RGS7: variants seen among roughly 807,000 people sequenced by gnomAD.
RGS7 encodes regulator of G-protein signaling 7.
A neutral mutation model predicts 81.1 loss-of-function variants in RGS7; 27 were observed. The observed-to-expected ratio is 0.33, with a 90% CI of 0.25 to 0.46. The LOEUF (loss-of-function observed/expected upper bound fraction) is 0.46. RGS7 is among the 20% of genes least tolerant of loss of function. The pLI is 1.00. For missense variants in RGS7, 396 were observed against 607.4 expected (o/e 0.65, Z 3.66); for synonymous variants, 208 against 207.7 (o/e 1.00, Z -0.01).
At chr1:241,203,046 G>C (rs1044106050) in intron 2 of RGS7, among the ~76,000 whole-genome samples, 2 of 152,090 alleles carry the variant, frequency 1.3e-5, no homozygotes, top group Non-Finnish European at 2.9e-5. Flanking sequence ...AGCAGCTCTT[G>C]AGGGGTCCAT....
chr1:241,096,068 T>C (rs2064228498), intron 3 of RGS7, among the ~76,000 whole-genome samples: 1 of 152,212 alleles, frequency 6.6e-6, no homozygotes, highest in African/African-American at 2.4e-5. Context: ...CTGCAACAAC[T>C]GCACTACCCT....
chr1:241,329,341 G>A (rs2081820336), intron 2 of RGS7, among the ~76,000 whole-genome samples: 1 of 152,162 alleles, frequency 6.6e-6, no homozygotes, highest in South Asian at 2.1e-4. Context: ...CTGTTTGAGT[G>A]GGAAGAAAAG....
intron 3 of RGS7, among the ~76,000 whole-genome samples, chr1:241,035,057 G>C (rs1002727136): frequency 3.3e-5 from 5 of 152,082 alleles, no homozygotes; most frequent in African/African-American, 1.2e-4. Flanking sequence ...GTTTTTTCAT[G>C]CTGTGGACTC....
At chr1:241,139,200 C>T (rs2067741036) in intron 2 of RGS7, among the ~76,000 whole-genome samples, 3 of 148,722 alleles carry the variant, frequency 2.0e-5, no homozygotes, top group Non-Finnish European at 4.5e-5. Flanking sequence ...TCTCTCTTTC[C>T]TTCCTTTCTT....
At chr1:240,977,199 C>A (rs1287281191) in intron 4 of RGS7, among the ~76,000 whole-genome samples, 2 of 150,968 alleles carry the variant, frequency 1.3e-5, no homozygotes, top group African/African-American at 4.9e-5. Context: ...ACAATGTAGA[C>A]GTATGTTCAC....
At chr1:240,885,495 C>A (rs1667198279) in intron 6 of RGS7, among the ~76,000 whole-genome samples, 1 of 152,138 alleles carries the variant, frequency 6.6e-6, no homozygotes, top group African/African-American at 2.4e-5. Context: ...TGGAATCAGC[C>A]TAAATACACA....
chr1:241,068,513 T>C (rs2062232151), intron 3 of RGS7, among the ~76,000 whole-genome samples: 1 of 151,902 alleles, frequency 6.6e-6, no homozygotes, highest in South Asian at 2.1e-4. Context: ...TTACTCTCTT[T>C]ACTGCAGATG....
At chr1:240,946,458 T>C (rs538263287) in intron 4 of RGS7, among the ~76,000 whole-genome samples, 337 of 151,950 alleles carry the variant, frequency 2.2e-3, no homozygotes, top group Non-Finnish European at 4.3e-3. Flanking sequence ...TCTTAAAAAA[T>C]TAGCAGGGCA....
intron 2 of RGS7, among the ~76,000 whole-genome samples, chr1:241,157,821 CTTTTTTTTTTTT>C (rs67249227): frequency 3.2e-5 from 3 of 94,714 alleles, no homozygotes; most frequent in African/African-American, 6.9e-5. Flanking sequence ...CTTTTCTTTT[CTTTTTTTTTTTT>C]TTTGATACTG....
intron 2 of RGS7, among the ~76,000 whole-genome samples, chr1:241,343,363 T>C (rs1019925184): frequency 3.3e-5 from 5 of 152,144 alleles, no homozygotes; most frequent in African/African-American, 1.2e-4. Flanking sequence ...CACACAGATA[T>C]TTGTATATCC....
intron 2 of RGS7, among the ~76,000 whole-genome samples, chr1:241,278,053 G>A (rs1010149052): frequency 6.6e-6 from 1 of 152,092 alleles, no homozygotes; most frequent in African/African-American, 2.4e-5. Context: ...TTTGCCCGCT[G>A]TTCTCAGTGC....
intron 3 of RGS7, among the ~76,000 whole-genome samples, chr1:240,996,279 T>C (rs74632720): frequency 0.027 from 4,143 of 152,256 alleles, 184 homozygotes; most frequent in African/African-American, 0.093. Context: ...TTTTTGCTGT[T>C]AGTTGGAATA....
intron 3 of RGS7, among the ~76,000 whole-genome samples, chr1:241,060,260 C>T (rs1053590323): frequency 6.6e-6 from 1 of 152,194 alleles, no homozygotes; most frequent in African/African-American, 2.4e-5. Context: ...TGCCAAACCA[C>T]TTACAGTGAA....
intron 2 of RGS7, among the ~76,000 whole-genome samples, chr1:241,198,721 C>T (rs1195604287): frequency 1.3e-5 from 2 of 152,138 alleles, no homozygotes; most frequent in African/African-American, 4.8e-5. Context: ...TCTATAACCT[C>T]AGTGTTGTTA....
chr1:241,035,435 T>C (rs1473733534), intron 3 of RGS7, among the ~76,000 whole-genome samples: 1 of 152,182 alleles, frequency 6.6e-6, no homozygotes, highest in Non-Finnish European at 1.5e-5. Flanking sequence ...ACATCATTTC[T>C]GGTTGGGATA....
chr1:241,267,060 G>A (rs1325687248), intron 2 of RGS7, among the ~76,000 whole-genome samples: 3 of 152,070 alleles, frequency 2.0e-5, no homozygotes, highest in Non-Finnish European at 4.4e-5. Context: ...TTCTTTCCTG[G>A]AGACCTCTGC....
chr1:240,999,313 GGAA>G (rs1300624072), intron 3 of RGS7, among the ~76,000 whole-genome samples: 1 of 151,750 alleles, frequency 6.6e-6, no homozygotes, highest in Admixed American at 6.6e-5. Flanking sequence ...TGGCCACACT[GGAA>G]GAAGAATTAC....
intron 4 of RGS7, among the ~76,000 whole-genome samples, chr1:240,973,124 C>T (rs534411988): frequency 6.6e-6 from 1 of 151,666 alleles, no homozygotes; most frequent in South Asian, 2.1e-4. Context: ...TTTTGTGTGA[C>T]TTTAGATATT....
intron 9 of RGS7, among the ~76,000 whole-genome samples, chr1:240,867,179 G>A (rs1024437864): frequency 1.3e-5 from 2 of 152,126 alleles, no homozygotes; most frequent in Admixed American, 6.6e-5. Flanking sequence ...TCAAAAGAGA[G>A]AACAAATTCA....
Sources: allele counts gnomAD v4.1 joint callset (sites outside exome capture counted in the v4.1 genomes callset), GRCh38; gene constraint gnomAD v4.1.1; transcripts MANE v1.5; gene names NCBI Gene and HGNC (gene_info 2026-07-23, HGNC 2026-07-21).